The following OTOA variants were observed in gnomAD, a reference collection of about 807,000 sequenced individuals.
OTOA encodes the protein cancer/testis antigen 108.
OTOA carries 70 observed loss-of-function variants against 110.8 expected under a neutral mutation model. That is an observed-to-expected ratio of 0.63 (90% CI 0.52 to 0.77). OTOA has a LOEUF of 0.77. Among genes scored for constraint, OTOA ranks in the 30% least tolerant of loss-of-function variants. OTOA has a pLI of 0.00. For missense variants in OTOA, 917 were observed against 1,075.8 expected (o/e 0.85, Z 2.06); for synonymous variants, 373 against 431.5 (o/e 0.86, Z 1.68).
chr16:21,733,821 A>T (rs1272974460), intron 21 of OTOA, among the ~76,000 whole-genome samples: 3 of 151,684 alleles, frequency 2.0e-5, no homozygotes, highest in Non-Finnish European at 2.9e-5. Flanking sequence ...CTTTTTTGAG[A>T]TGGAGTCTAG....
intron 11 of OTOA, among the ~76,000 whole-genome samples, chr16:21,701,723 A>ATCCTCATGCCTCAGCC (rs1339828860): frequency 1.3e-4 from 20 of 151,958 alleles, no homozygotes; most frequent in Non-Finnish European, 2.9e-5. Flanking sequence ...GGTTCAAGCA[A>ATCCTCATGCCTCAGCC]TCCTCATGCC....
At position 21,678,735 on chromosome 16, in the gene OTOA, C is replaced by T; in HGVS notation, c.91+130C>T. On this transcript the variant is annotated intron_variant, in intron 2 of 28. Transcript: ENST00000646100. Reference sequence around the variant, plus strand: ...GTGTGTGTGTGCATGTATGATTTTTCAGGATTATTCTAAGAGGATTTTTCA... The same window carrying T: ...GTGTGTGTGTGCATGTATGATTTTTTAGGATTATTCTAAGAGGATTTTTCA... 2.6e-6 allele frequency: 3 copies of T among 1,148,194 alleles called. No homozygotes were observed. In the South Asian group the frequency reaches 3.8e-5, roughly 15 times the overall value. 71.1% of individuals were successfully genotyped at this position (1,148,194 alleles called of 1,614,324 possible). A position where few individuals can be genotyped will look rare whatever the true frequency, so the allele number is the denominator to read the frequency against.
intron 17 of OTOA, chr16:21,721,275 ACAC>A (rs2141707658): frequency 2.2e-6 from 1 of 448,760 alleles, no homozygotes; most frequent in Non-Finnish European, 4.4e-6. Context: ...ACACACACAC[ACAC>A]AAACAACCAA....
rs756356793 is a variant in OTOA, at chr16:21,728,314, T to C, written c.2090T>C (p.Ile697Thr). The change falls in exon 20 of 29, where the codon ATC (isoleucine) becomes ACC (threonine). Residue 697 changes from isoleucine (I) to threonine (T), a missense_variant. By Grantham distance (89) the Ile-to-Thr change is moderately conservative. This residue lies in a region of OTOA where 840 missense variants were observed against 910.2 expected (regional missense o/e 0.92). Coordinates refer to ENST00000646100, the MANE Select transcript of OTOA (RefSeq NM_144672.4). ...NLLCHLPAAI[I>T]DRGISPRAWA... ...CTGTGTCACTTGCCGGCAGCCATCA[T>C]CGACAGGGGGATCTCCCCCAGGGCT... 1 of 1,614,158 alleles carries C rather than the reference T, an allele frequency of 6.2e-7. No homozygotes were observed. Among genetic ancestry groups the C allele is most frequent in the Non-Finnish European group, 8.5e-7 (1 of 1,180,018 alleles).
intron 21 of OTOA, among the ~76,000 whole-genome samples, chr16:21,735,871 G>A (rs1034752098): frequency 2.6e-5 from 4 of 152,146 alleles, no homozygotes; most frequent in Non-Finnish European, 4.4e-5. Flanking sequence ...TGGGATTACA[G>A]GTATGAGCCA....
chr16:21,698,711 G>A (rs1567374214), intron 10 of OTOA, among the ~76,000 whole-genome samples: 1 of 152,118 alleles, frequency 6.6e-6, no homozygotes, highest in Non-Finnish European at 1.5e-5. Context: ...GGGGCTGGGA[G>A]TATTTCAAGT....
At chr16:21,694,347 G>T (rs184376421) in intron 9 of OTOA, among the ~76,000 whole-genome samples, 8 of 152,074 alleles carry the variant, frequency 5.3e-5, no homozygotes, top group Admixed American at 3.3e-4. Context: ...GAGGCTGAGG[G>T]GGGGAGGATC....
chr16:21,704,994 G>A (rs766786388), intron 11 of OTOA, 175 bp from the exon 12 acceptor site: 1 of 1,019,002 alleles, frequency 9.8e-7, no homozygotes, highest in Non-Finnish European at 1.6e-6. Flanking sequence ...GAGCAGTTAG[G>A]TTCCGCCTGT....
intron 12 of OTOA, among the ~76,000 whole-genome samples, chr16:21,706,849 T>G (rs961151495): frequency 5.0e-4 from 24 of 47,806 alleles, no homozygotes; most frequent in African/African-American, 1.3e-3. Flanking sequence ...ATAAGATTCA[T>G]TTTTTTTTTT....
intron 20 of OTOA, among the ~76,000 whole-genome samples, chr16:21,728,964 T>G (rs1249064465): frequency 6.6e-6 from 1 of 152,156 alleles, no homozygotes; most frequent in African/African-American, 2.4e-5. Flanking sequence ...TTACACAGCT[T>G]GGCATATGAA....
At chr16:21,695,879 A>T (rs1365347622) in intron 9 of OTOA, among the ~76,000 whole-genome samples, 20 of 37,650 alleles carry the variant, frequency 5.3e-4, no homozygotes, top group Non-Finnish European at 8.9e-4. Flanking sequence ...ATATATATAT[A>T]TATATATATA....
chr16:21,694,595 A>C (rs527291375), intron 9 of OTOA, among the ~76,000 whole-genome samples: 1 of 152,166 alleles, frequency 6.6e-6, no homozygotes, highest in African/African-American at 2.4e-5. Flanking sequence ...GTGACATTTG[A>C]ATCAAGACCA....
chr16:21,693,467 T>C (rs1040028146), intron 9 of OTOA, among the ~76,000 whole-genome samples: 2 of 152,218 alleles, frequency 1.3e-5, no homozygotes, highest in African/African-American at 2.4e-5. Context: ...TCTCTGCTCT[T>C]ACGGCCCTAT....
rs1442836603 is a variant in OTOA at position 21,666,685 on chromosome 16, CCTCCAGTCTGCAG to C, written c.-5+2454_-5+2466del. Among the ~76,000 whole-genome samples the C allele has an allele frequency of 9.6e-4, 146 of 152,186 alleles. 1 individual carries two copies. Among genetic ancestry groups the C allele is most frequent in the African/African-American group, 3.4e-3 (141 of 41,516 alleles). The stretch of plus-strand genomic sequence containing the variant: ...ACAGGGATCCTTGCCTGACTGATTT[CCTCCAGTCTGCAG>C]TGGGGGAATCTTTCAGTGGGGAAGG... On this transcript the variant is annotated intron_variant, in intron 1 of 28. Transcript: ENST00000646100.
intron 6 of OTOA, among the ~76,000 whole-genome samples, chr16:21,683,531 AAAAC>A (rs1045064455): frequency 3.3e-5 from 5 of 151,972 alleles, no homozygotes; most frequent in African/African-American, 4.8e-5. Flanking sequence ...TGTCTCTACA[AAAAC>A]AAACAAACAA....
intron 20 of OTOA, chr16:21,729,895 A>G (rs1899052507): frequency 6.6e-6 from 1 of 152,176 alleles, no homozygotes; most frequent in South Asian, 2.1e-4. Flanking sequence ...TTAGCCATTC[A>G]CCTACAGAAG....
rs1411211259 is a variant in OTOA, at chr16:21,714,973, CT to C, written c.1321-11del. 6.2e-7 allele frequency: 1 copy of C among 1,613,978 alleles called. No homozygotes were observed. Among genetic ancestry groups the C allele is most frequent in the Non-Finnish European group, 8.5e-7 (1 of 1,180,004 alleles). On this transcript the variant is annotated splice_polypyrimidine_tract_variant and intron_variant, in intron 13 of 28. Transcript: ENST00000646100. ...GGAGCAGAGCCTGACTGCGCAGCCG[CT>C]CCTCTTCCAGGTGCTGTCTTTCTAC...
At position 21,687,667 on chromosome 16, in the gene OTOA, CTTTTTT is replaced by C. The variant is rs397855951; in HGVS notation, c.635+32_635+37del. On this transcript the variant is annotated intron_variant, in intron 8 of 28. Coordinates refer to ENST00000646100, the MANE Select transcript of OTOA (RefSeq NM_144672.4). Reference sequence around the variant, plus strand: ...AGAACCTGTGAGTGGTTCCTCCGAACTTTTTTTTTTTTTTTTTTGAGATGGAGTTTC... The same window carrying C: ...AGAACCTGTGAGTGGTTCCTCCGAACTTTTTTTTTTTTGAGATGGAGTTTC... The C allele has an allele frequency of 6.0e-4, 804 of 1,334,824 alleles. 1 individual carries two copies. Among genetic ancestry groups the C allele is most frequent in the Middle Eastern group, 2.5e-3 (10 of 3,948 alleles). The allele number at this position is 1,334,824 out of a possible 1,614,324, so 82.7% of individuals were successfully genotyped here.
intron 28 of OTOA, among the ~76,000 whole-genome samples, chr16:21,759,331 G>A (rs1017722502): frequency 1.3e-5 from 2 of 151,956 alleles, no homozygotes; most frequent in African/African-American, 4.8e-5. Flanking sequence ...ACCTTATTCT[G>A]CACCTTGTAT....
Sources: allele counts gnomAD v4.1 joint callset (sites outside exome capture counted in the v4.1 genomes callset), GRCh38; gene constraint gnomAD v4.1.1; regional missense constraint gnomAD v4.1.1; transcripts MANE v1.5; gene names NCBI Gene and HGNC (gene_info 2026-07-23, HGNC 2026-07-21).